TUBB8: variants seen among roughly 807,000 people sequenced by gnomAD.
TUBB8 encodes the protein tubulin beta 8 class VIII, also known as tubulin beta-8 chain.
Under a neutral mutation model 33.7 loss-of-function variants are expected in TUBB8, and 25 were observed. The observed-to-expected ratio is 0.74, with a 90% CI of 0.54 to 1.04. The LOEUF (loss-of-function observed/expected upper bound fraction) is 1.04, where lower values mean the gene tolerates loss of function less well. Among genes scored for constraint, TUBB8 ranks in the 50% least tolerant of loss-of-function variants. TUBB8 has a pLI of 0.00. For missense variants in TUBB8, 279 were observed against 608.0 expected (o/e 0.46, Z 5.69); for synonymous variants, 245 against 240.1 (o/e 1.02, Z -0.19).
At chr10:58,725 G>C (rs1834562851) in intron 1 of TUBB8, among the ~76,000 whole-genome samples, 1 of 152,202 alleles carries the variant, frequency 6.6e-6, no homozygotes, top group South Asian at 2.1e-4. Flanking sequence ...CCATTTATGA[G>C]TAATCCACCC....
At chr10:53,527 T>C (rs1472435907), upstream of TUBB8, among the ~76,000 whole-genome samples, 1 of 152,130 alleles carries the variant, frequency 6.6e-6, no homozygotes, top group Non-Finnish European at 1.5e-5. Flanking sequence ...GAGGACAAAC[T>C]CTAGAACACA....
At chr10:69,194 A>G (rs1834707174) in intron 1 of TUBB8, among the ~76,000 whole-genome samples, 1 of 152,202 alleles carries the variant, frequency 6.6e-6, no homozygotes, top group Non-Finnish European at 1.5e-5. Context: ...AGGACTGACC[A>G]TGACCTCCAC....
chr10:49,279 G>C lies in TUBB8; in HGVS notation c.-41C>G. On this transcript the variant is annotated 5_prime_UTR_variant, in exon 1 of 4. Coordinates refer to ENST00000568584, the MANE Select transcript of TUBB8 (RefSeq NM_177987.3). The stretch of plus-strand genomic sequence containing the variant: ...AGGACGGCAGGAGAAACGTGAGAAG[G>C]AGGAGCAGACGCGCAGCGACCCAGC... 6.4e-7 allele frequency: 1 copy of C among 1,554,606 alleles called. No individual in the cohort carries two copies. Among genetic ancestry groups the C allele is most frequent in the Non-Finnish European group, 8.7e-7 (1 of 1,147,878 alleles).
intron 1 of TUBB8, among the ~76,000 whole-genome samples, chr10:59,984 C>G (rs1205686153): frequency 6.6e-6 from 1 of 151,970 alleles, no homozygotes; most frequent in African/African-American, 2.4e-5. Context: ...TCCTTTTTCA[C>G]CTTTGATTTT....
In TUBB8 at chr10:49,167, G is replaced by A. The variant is rs1554739021; in HGVS notation, c.57+15C>T. ...GGCAGGCCCGGGCTAGGCCCTCAGA[G>A]CCCCGGCTGCCAACCTTGGCGCCGA... On this transcript the variant is annotated intron_variant, in intron 1 of 3. Transcript: ENST00000568584. 3 of 1,564,120 alleles carry A rather than the reference G, an allele frequency of 1.9e-6. No homozygotes were observed. Among genetic ancestry groups the A allele is most frequent in the East Asian group, 4.8e-5 (2 of 41,834 alleles).
intron 1 of TUBB8, among the ~76,000 whole-genome samples, chr10:70,822 G>A (rs1464607560): frequency 6.6e-6 from 1 of 152,094 alleles, no homozygotes; most frequent in Non-Finnish European, 1.5e-5. Flanking sequence ...CAGCATGGGA[G>A]ACAGAGCAGA....
At chr10:67,316 A>C (rs1485247717) in intron 1 of TUBB8, among the ~76,000 whole-genome samples, 4 of 152,248 alleles carry the variant, frequency 2.6e-5, no homozygotes, top group African/African-American at 9.6e-5. Flanking sequence ...CTTAAGAATT[A>C]TTAAGTCTTC....
chr10:54,191 C>A (rs71489222), upstream of TUBB8, among the ~76,000 whole-genome samples: 26,565 of 150,582 alleles, frequency 0.18, 1,418 homozygotes, highest in African/African-American at 0.37. Flanking sequence ...CGTTCCCCCA[C>A]TGCCCTTCCC....
At chr10:76,139 CAAAAAA>C (rs71374333), upstream of TUBB8, among the ~76,000 whole-genome samples, 34 of 73,334 alleles carry the variant, frequency 4.6e-4, no homozygotes, top group Admixed American at 3.0e-3. Flanking sequence ...AACTCCGTCT[CAAAAAA>C]AAAAAAAAAA....
intron 1 of TUBB8, among the ~76,000 whole-genome samples, chr10:59,886 C>A (rs1223162235): frequency 1.3e-5 from 2 of 152,054 alleles, no homozygotes; most frequent in African/African-American, 4.8e-5. Context: ...GAATTAATTT[C>A]CTCTAGGTTT....
At chr10:74,625 C>CCAA (rs1834784541), upstream of TUBB8, among the ~76,000 whole-genome samples, 1 of 89,680 alleles carries the variant, frequency 1.1e-5, no homozygotes, top group Non-Finnish European at 2.2e-5. Flanking sequence ...GACTCAGTAT[C>CCAA]AAAAAAAAAA....
In TUBB8 at chr10:48,826, G is replaced by A. The variant is rs1554738876; in HGVS notation, c.144C>T (p.Asn48=). The change falls in exon 2 of 4, where the codon AAC becomes AAT. Residue 48 remains asparagine (N), a synonymous_variant. Coordinates refer to ENST00000568584, the MANE Select transcript of TUBB8 (RefSeq NM_177987.3). ...CACCGCTGGCCTCGTTGTAGTACAC[G>A]TTGATGCGCTCCAGCTGCAGGTGGC... ...GDSHLQLERI[N]VYYNEASGGR... 5 of 1,608,750 alleles carry A rather than the reference G, an allele frequency of 3.1e-6. No homozygotes were observed. The highest frequency in any genetic ancestry group is 1.1e-5 in the South Asian group (1 of 90,768).
At chr10:56,747 G>A (rs368762693) in intron 1 of TUBB8, among the ~76,000 whole-genome samples, 118 of 152,268 alleles carry the variant, frequency 7.7e-4, no homozygotes, top group African/African-American at 2.7e-3. Context: ...ACATTTCAAT[G>A]TAAGATTTTG....
intron 1 of TUBB8, among the ~76,000 whole-genome samples, chr10:61,287 C>T (rs1834598770): frequency 6.6e-6 from 1 of 152,008 alleles, no homozygotes; most frequent in South Asian, 2.1e-4. Flanking sequence ...TACCATATTC[C>T]ACAGGTTTTG....
upstream of TUBB8, chr10:49,756 C>T: frequency 2.8e-6 from 1 of 362,116 alleles, no homozygotes; most frequent in Non-Finnish European, 5.4e-6. Context: ...CCACAATAAG[C>T]TATGGGTGTT....
At chr10:64,328 C>T (rs1554741303) in intron 1 of TUBB8, among the ~76,000 whole-genome samples, 1 of 134,336 alleles carries the variant, frequency 7.4e-6, no homozygotes, top group Non-Finnish European at 1.7e-5. Flanking sequence ...CTAGTCCTAG[C>T]CTTAGCCCTA....
intron 1 of TUBB8, among the ~76,000 whole-genome samples, chr10:60,678 G>A (rs1360520183): frequency 6.6e-6 from 1 of 152,132 alleles, no homozygotes; most frequent in Non-Finnish European, 1.5e-5. Flanking sequence ...TGATTCCTCA[G>A]GGATCTAGAA....
intron 1 of TUBB8, among the ~76,000 whole-genome samples, chr10:59,603 T>C (rs1198543284): frequency 6.6e-6 from 1 of 152,264 alleles, no homozygotes. Flanking sequence ...ATGTATTGTT[T>C]AATTGCATTT....
chr10:57,525 C>T (rs368290575), intron 1 of TUBB8, among the ~76,000 whole-genome samples: 1 of 152,150 alleles, frequency 6.6e-6, no homozygotes, highest in East Asian at 1.9e-4. Context: ...GCATTTTGTA[C>T]ACTCACAGGC....
Sources: allele counts gnomAD v4.1 joint callset (sites outside exome capture counted in the v4.1 genomes callset), GRCh38; gene constraint gnomAD v4.1.1; transcripts MANE v1.5; gene names NCBI Gene and HGNC (gene_info 2026-07-23, HGNC 2026-07-21).